The following GPHN variants were observed in gnomAD, a reference collection of about 807,000 sequenced individuals.
GPHN encodes gephyrin.
Under a neutral mutation model 95.5 loss-of-function variants are expected in GPHN, and 17 were observed. The observed-to-expected ratio is 0.18, with a 90% CI of 0.12 to 0.27. GPHN has a LOEUF of 0.27. GPHN is among the 10% of genes least tolerant of loss of function. GPHN has a pLI of 1.00. For synonymous variants in GPHN, 320 were observed against 322.5 expected, an observed-to-expected ratio of 0.99 and a Z score of 0.08; for missense variants, 660 against 978.1, an observed-to-expected ratio of 0.67 and a Z score of 4.34.
At chr14:66,591,620 G>C (rs2061652813) in intron 1 of GPHN, among the ~76,000 whole-genome samples, 1 of 152,156 alleles carries the variant, frequency 6.6e-6, no homozygotes, top group Admixed American at 6.5e-5. Flanking sequence ...ACCTCTTCAA[G>C]TACAACTACA....
the GPHN span, among the ~76,000 whole-genome samples, chr14:67,402,223 G>A: frequency 2.0e-5 from 3 of 152,124 alleles, no homozygotes; most frequent in Non-Finnish European, 4.4e-5. Flanking sequence ...TCCACTTAAG[G>A]AAGTTTCTGT....
intron 2 of GPHN, among the ~76,000 whole-genome samples, chr14:66,723,986 TACACACACAC>T (rs371629259): frequency 1.3e-4 from 16 of 127,862 alleles, no homozygotes; most frequent in Admixed American, 8.1e-5. Context: ...CATGCATACA[TACACACACAC>T]ACACACACAC....
At chr14:66,914,614 C>T (rs1295069189) in intron 5 of GPHN, among the ~76,000 whole-genome samples, 2 of 152,004 alleles carry the variant, frequency 1.3e-5, no homozygotes, top group Non-Finnish European at 2.9e-5. Flanking sequence ...AAAGGTGCTA[C>T]AAACTTCCGG....
intron 1 of GPHN, among the ~76,000 whole-genome samples, chr14:66,545,324 C>A (rs1399680236): frequency 1.5e-5 from 2 of 130,206 alleles, no homozygotes; most frequent in South Asian, 2.5e-4. Flanking sequence ...GGCGGCTGGC[C>A]GGGCAGGGGG....
At chr14:67,051,222 G>A (rs2075292963) in intron 10 of GPHN, among the ~76,000 whole-genome samples, 1 of 151,808 alleles carries the variant, frequency 6.6e-6, no homozygotes, top group Non-Finnish European at 1.5e-5. Context: ...AGAGACGGCT[G>A]CCATCACTGC....
chr14:67,647,091 G>A, the GPHN span: 15 of 1,014,730 alleles, frequency 1.5e-5, no homozygotes, highest in South Asian at 1.4e-4. Flanking sequence ...CCTGTTTCTT[G>A]AGGACAGCAG....
chr14:67,461,037 T>C, the GPHN span, among the ~76,000 whole-genome samples: 1 of 152,238 alleles, frequency 6.6e-6, no homozygotes, highest in Non-Finnish European at 1.5e-5. Context: ...CTATTCATTA[T>C]AAATAGTACA....
the GPHN span, among the ~76,000 whole-genome samples, chr14:67,390,009 G>A: frequency 6.6e-6 from 1 of 152,048 alleles, no homozygotes; most frequent in South Asian, 2.1e-4. Context: ...GGAAGGAACT[G>A]CCCACTCTTC....
the GPHN span, among the ~76,000 whole-genome samples, chr14:67,560,933 G>T: frequency 2.6e-5 from 4 of 152,098 alleles, no homozygotes; most frequent in Non-Finnish European, 5.9e-5. Flanking sequence ...GTTTCGTTAT[G>T]TTGGCCAGGC....
intron 4 of GPHN, among the ~76,000 whole-genome samples, chr14:66,862,203 A>C (rs942956364): frequency 2.6e-5 from 4 of 152,118 alleles, no homozygotes; most frequent in Non-Finnish European, 5.9e-5. Flanking sequence ...AGTGGCTACT[A>C]TGAGCAACTA....
chr14:67,349,198 A>T, the GPHN span: 2 of 1,182,500 alleles, frequency 1.7e-6, no homozygotes, highest in South Asian at 2.7e-5. Context: ...TGAGACCAAG[A>T]GTGAGATGTC....
the GPHN span, among the ~76,000 whole-genome samples, chr14:67,427,929 T>TA: frequency 6.6e-6 from 1 of 151,112 alleles, no homozygotes; most frequent in African/African-American, 2.4e-5. Context: ...AATGCCCTTT[T>TA]TTTTTTTTTT....
At chr14:66,717,965 A>G (rs1469537914) in intron 2 of GPHN, among the ~76,000 whole-genome samples, 1 of 152,070 alleles carries the variant, frequency 6.6e-6, no homozygotes, top group African/African-American at 2.4e-5. Flanking sequence ...TTAATGCTCT[A>G]TTTTTGTGCT....
At position 66,650,092 on chromosome 14, in the gene GPHN, CAA is replaced by C. The variant is rs112227406; in HGVS notation, c.65-31002_65-31001del. Among the ~76,000 whole-genome samples, 570 of 119,536 alleles carry C rather than the reference CAA, an allele frequency of 4.8e-3. 10 individuals carry two copies. The highest frequency in any genetic ancestry group is 0.016 in the African/African-American group (520 of 32,282). 78.4% of individuals were successfully genotyped at this position (119,536 alleles called of 152,430 possible). A position where few individuals can be genotyped will look rare whatever the true frequency, so the allele number is the denominator to read the frequency against. Reference sequence around the variant, plus strand: ...AGCAGAAGACTCTAAGACTGCCAACCAAAAAAAAAAAAAAGCTGCATTTAAAA... The same window carrying C: ...AGCAGAAGACTCTAAGACTGCCAACCAAAAAAAAAAAAGCTGCATTTAAAA... On this transcript the variant is annotated intron_variant, in intron 1 of 22. Transcript: ENST00000478722.
the GPHN span, among the ~76,000 whole-genome samples, chr14:67,574,845 A>G: frequency 6.6e-6 from 1 of 152,248 alleles, no homozygotes; most frequent in South Asian, 2.1e-4. The surrounding 1 kb of genome is among the most constrained non-coding windows in gnomAD (Gnocchi z 4.2). Context: ...CAGTTGTTAA[A>G]CCCAAGAAAA....
the GPHN span, among the ~76,000 whole-genome samples, chr14:67,208,968 G>C: frequency 6.7e-6 from 1 of 150,212 alleles, no homozygotes; most frequent in Non-Finnish European, 1.5e-5. Flanking sequence ...GTTGGTCAAA[G>C]ATTTATGATG....
rs149200789 is a variant in GPHN at position 66,511,384 on chromosome 14, G to T, written c.64+2793G>T. Among the ~76,000 whole-genome samples the T allele has an allele frequency of 5.8e-4, 88 of 152,148 alleles. 1 individual carries two copies. In the East Asian group the frequency reaches 0.014, roughly 25 times the overall value. On this transcript the variant is annotated intron_variant, in intron 1 of 22. Transcript: ENST00000478722. ...TTATTTGTGGCTCTTAAAAGGTGGA[G>T]GGTCTCTTTTAGAAAATCTCCTTGG...
rs143043995 is a variant in GPHN at position 66,601,476 on chromosome 14, T to C, written c.65-79631T>C. Among the ~76,000 whole-genome samples the C allele has an allele frequency of 3.6e-3, 541 of 152,068 alleles. 3 individuals carry two copies. The highest frequency in any genetic ancestry group is 0.012 in the African/African-American group (502 of 41,536). On this transcript the variant is annotated intron_variant, in intron 1 of 22. Transcript: ENST00000478722. Reference sequence around the variant, plus strand: ...TAGTCTTTTGGGAATAGGAAAGTGATGGTGAAGGGGCAACCTCTTTAGTTT... The same window carrying C: ...TAGTCTTTTGGGAATAGGAAAGTGACGGTGAAGGGGCAACCTCTTTAGTTT...
At chr14:67,180,063 A>G (rs1308795963) in intron 22 of GPHN, among the ~76,000 whole-genome samples, 2 of 152,226 alleles carry the variant, frequency 1.3e-5, no homozygotes, top group African/African-American at 4.8e-5. Flanking sequence ...TTATAATTTG[A>G]TTCTCTGTAG....
Sources: allele counts gnomAD v4.1 joint callset (sites outside exome capture counted in the v4.1 genomes callset), GRCh38; gene constraint gnomAD v4.1.1; non-coding constraint Gnocchi (gnomAD v3.1); transcripts MANE v1.5; gene names NCBI Gene and HGNC (gene_info 2026-07-23, HGNC 2026-07-21).